The following TAF4B variants were observed in gnomAD, a reference collection of about 807,000 sequenced individuals.
TAF4B encodes the protein TATA-box binding protein associated factor 4b, also known as transcription initiation factor TFIID subunit 4B.
A neutral mutation model predicts 86.4 loss-of-function variants in TAF4B; 38 were observed. That is an observed-to-expected ratio of 0.44 (90% CI 0.34 to 0.58). The LOEUF (loss-of-function observed/expected upper bound fraction) is 0.58. Ranked by LOEUF, TAF4B falls within the 20% of genes least tolerant of loss-of-function variation. TAF4B has a pLI of 0.02. For synonymous variants in TAF4B, 388 were observed against 391.2 expected, an observed-to-expected ratio of 0.99 and a Z score of 0.10; for missense variants, 988 against 1,027.6, an observed-to-expected ratio of 0.96 and a Z score of 0.53.
chr18:26,275,731 C>A (rs897444091), intron 5 of TAF4B, among the ~76,000 whole-genome samples: 2 of 151,950 alleles, frequency 1.3e-5, no homozygotes, highest in Admixed American at 6.6e-5. Flanking sequence ...ATTATGAAAT[C>A]TCTGCTGGGC....
At chr18:26,348,798 T>G (rs528028738) in intron 13 of TAF4B, 1 of 154,308 alleles carries the variant, frequency 6.5e-6, no homozygotes, top group Non-Finnish European at 1.5e-5. Context: ...GCAATGAATG[T>G]GGCAAGATCT....
At chr18:26,345,755 C>T (rs955487431) in intron 13 of TAF4B, among the ~76,000 whole-genome samples, 1 of 152,036 alleles carries the variant, frequency 6.6e-6, no homozygotes, top group Non-Finnish European at 1.5e-5. Context: ...TGTAGGGATA[C>T]ATCAAACATG....
chr18:26,329,720 G>C (rs2057036158), intron 12 of TAF4B, among the ~76,000 whole-genome samples: 1 of 152,190 alleles, frequency 6.6e-6, no homozygotes, highest in South Asian at 2.1e-4. Context: ...AAATGATGCT[G>C]CACTCTTCTC....
intron 13 of TAF4B, among the ~76,000 whole-genome samples, chr18:26,346,823 G>GTATA (rs1197712479): frequency 6.6e-5 from 1 of 15,096 alleles, no homozygotes; most frequent in Non-Finnish European, 2.0e-4. Flanking sequence ...ATATGTGTGT[G>GTATA]TATATATATA....
chr18:26,315,624 G>A (rs888802954), intron 10 of TAF4B, among the ~76,000 whole-genome samples: 2 of 152,018 alleles, frequency 1.3e-5, no homozygotes, highest in African/African-American at 2.4e-5. Flanking sequence ...ATTTCTTAAT[G>A]GAGGAATAGT....
At position 26,379,560 on chromosome 18, in the gene TAF4B, A is replaced by G. The variant is rs151150900; in HGVS notation, c.2422-10285A>G. 4.5e-4 allele frequency among the ~76,000 whole-genome samples: 68 copies of G among 152,122 alleles called. 1 individual carries two copies. In the East Asian group the frequency reaches 8.9e-3, roughly 20 times the overall value. ...CTATTCTGTTTGTTTATTTTTCTCTATTTATGCCATACTACAATCTCTCTT... is the reference window on the plus strand; with the variant it reads ...CTATTCTGTTTGTTTATTTTTCTCTGTTTATGCCATACTACAATCTCTCTT... On this transcript the variant is annotated intron_variant, in intron 14 of 14. Coordinates refer to ENST00000269142, the MANE Select transcript of TAF4B (RefSeq NM_005640.3).
At chr18:26,243,479 G>A (rs1044272031) in intron 1 of TAF4B, among the ~76,000 whole-genome samples, 2 of 151,994 alleles carry the variant, frequency 1.3e-5, no homozygotes, top group Admixed American at 6.6e-5. Context: ...TTAGTCATTC[G>A]TCTAATCTTT....
rs1161097210 is a variant in TAF4B at position 26,327,100 on chromosome 18, A to G, written c.2219A>G (p.Lys740Arg). The change falls in exon 12 of 15, where the codon AAG (lysine) becomes AGG (arginine). Residue 740 changes from lysine to arginine, a missense_variant. Physicochemically the swap from Lys to Arg is conservative, Grantham distance 26. This residue lies in a region of TAF4B where 216 missense variants were observed against 238.4 expected (regional missense o/e 0.91). Coordinates refer to ENST00000269142, the MANE Select transcript of TAF4B (RefSeq NM_005640.3). ...EKLDQLEKQRKDLEEREMLLK... is the reference protein window; with the variant it reads ...EKLDQLEKQRRDLEEREMLLK... Reference sequence around the variant, plus strand: ...CTGGATCAATTGGAGAAGCAGAGAAAGGATTTGGAAGAAAGAGAAATGTTA... The same window carrying G: ...CTGGATCAATTGGAGAAGCAGAGAAGGGATTTGGAAGAAAGAGAAATGTTA... 1.9e-6 allele frequency: 3 copies of G among 1,613,424 alleles called. No homozygotes were observed. In the African/African-American group the frequency reaches 4.0e-5, roughly 22 times the overall value.
chr18:26,333,234 T>A (rs1312179972), intron 12 of TAF4B, among the ~76,000 whole-genome samples: 1 of 151,624 alleles, frequency 6.6e-6, no homozygotes, highest in Non-Finnish European at 1.5e-5. Context: ...TTATTATTTT[T>A]TTTGGAGACA....
chr18:26,234,336 C>T (rs1187521556), intron 1 of TAF4B, among the ~76,000 whole-genome samples: 1 of 152,210 alleles, frequency 6.6e-6, no homozygotes, highest in Non-Finnish European at 1.5e-5. Flanking sequence ...GGTTTTTGCA[C>T]TGTGTGCAAT....
intron 9 of TAF4B, among the ~76,000 whole-genome samples, chr18:26,307,967 G>A (rs1038913700): frequency 2.0e-5 from 3 of 151,884 alleles, no homozygotes; most frequent in African/African-American, 4.9e-5. Context: ...AAAATGAGCC[G>A]GGTGTGGTGG....
intron 11 of TAF4B, among the ~76,000 whole-genome samples, chr18:26,325,240 T>A (rs2056994600): frequency 6.6e-6 from 1 of 152,222 alleles, no homozygotes; most frequent in African/African-American, 2.4e-5. Context: ...TCATTCAGTG[T>A]TTTCCAGTTG....
intron 7 of TAF4B, among the ~76,000 whole-genome samples, chr18:26,289,664 T>G (rs921269678): frequency 3.3e-5 from 5 of 152,146 alleles, no homozygotes; most frequent in Non-Finnish European, 7.3e-5. Context: ...TTTTTCTATG[T>G]TTTTAGTAGA....
intron 9 of TAF4B, among the ~76,000 whole-genome samples, chr18:26,302,926 G>T (rs1369561327): frequency 6.7e-6 from 1 of 150,142 alleles, no homozygotes; most frequent in Non-Finnish European, 1.5e-5. Flanking sequence ...TCATTTTATT[G>T]GTTAATTTTA....
At chr18:26,321,046 A>AATGGAT in intron 10 of TAF4B, 24 bp from the exon 11 acceptor site, 1 of 1,613,314 alleles carries the variant, frequency 6.2e-7, no homozygotes, top group African/African-American at 1.3e-5. Flanking sequence ...TAAAACACGT[A>AATGGAT]ATGGATTTTC....
intron 9 of TAF4B, 83 bp from the exon 10 acceptor site, chr18:26,315,144 CTG>C (rs1190101889): frequency 0.16 from 37,866 of 242,130 alleles, 3,911 homozygotes; most frequent in African/African-American, 0.22. Flanking sequence ...CTCTCTCTCT[CTG>C]TCTCTCTCTC....
chr18:26,312,934 A>G (rs556780014), intron 9 of TAF4B, among the ~76,000 whole-genome samples: 5 of 152,320 alleles, frequency 3.3e-5, no homozygotes, highest in African/African-American at 9.6e-5. Context: ...GGCAATCCAT[A>G]TATATAGTAC....
intron 7 of TAF4B, among the ~76,000 whole-genome samples, chr18:26,290,624 C>T (rs1431419052): frequency 6.6e-6 from 1 of 152,132 alleles, no homozygotes; most frequent in Non-Finnish European, 1.5e-5. Context: ...ATTAGGCATA[C>T]AAGCATGAGA....
chr18:26,273,381 C>A (rs1234771194), intron 3 of TAF4B, among the ~76,000 whole-genome samples: 1 of 151,960 alleles, frequency 6.6e-6, no homozygotes, highest in Non-Finnish European at 1.5e-5. Context: ...TACATGCAAA[C>A]AAGACTACAT....
Sources: gnomAD v4.1 joint callset for allele counts (sites outside exome capture counted in the v4.1 genomes callset) on GRCh38, gnomAD v4.1.1 for gene constraint, gnomAD v4.1.1 regional missense constraint, MANE v1.5 for transcripts, NCBI Gene and HGNC (gene_info 2026-07-23, HGNC 2026-07-21) for gene names.